Variants in CDH13 observed in about 807,000 individuals in gnomAD.
CDH13 encodes cadherin 13.
A neutral mutation model predicts 63.8 loss-of-function variants in CDH13; 24 were observed. That is an observed-to-expected ratio of 0.38 (90% CI 0.27 to 0.53). CDH13 has a LOEUF of 0.53. Ranked by LOEUF, CDH13 falls within the 20% of genes least tolerant of loss-of-function variation. The probability of loss-of-function intolerance (pLI) is 0.85; values close to 1 mark genes in which losing one functional copy is unlikely to be tolerated. For synonymous variants in CDH13, 503 were observed against 355.3 expected, an observed-to-expected ratio of 1.42 and a Z score of -4.67; for missense variants, 1,049 against 903.1, an observed-to-expected ratio of 1.16 and a Z score of -2.07.
intron 4 of CDH13, among the ~76,000 whole-genome samples, chr16:83,190,948 T>C (rs1268385737): frequency 4.6e-5 from 7 of 152,020 alleles, no homozygotes; most frequent in Non-Finnish European, 1.5e-5. Context: ...CATTTCTCAG[T>C]TGGCTCATTT....
In CDH13 at chr16:82,644,435, G is replaced by A. The variant is rs141088526; in HGVS notation, c.45+17298G>A. On this transcript the variant is annotated intron_variant, in intron 1 of 13. Coordinates refer to ENST00000567109, the MANE Select transcript of CDH13 (RefSeq NM_001257.5). The surrounding 1 kb of genome is among the most constrained non-coding windows in gnomAD (Gnocchi z 5.7). ...AACGTACTCCTGTCTGCCCTCACTC[G>A]TGGGTTGATGATTTCTATCCTTTGT... 2.1e-4 allele frequency among the ~76,000 whole-genome samples: 32 copies of A among 152,208 alleles called. No homozygotes were observed. Among genetic ancestry groups the A allele is most frequent in the African/African-American group, 4.6e-4 (19 of 41,514 alleles).
intron 1 of CDH13, among the ~76,000 whole-genome samples, chr16:82,815,117 T>A (rs1324112575): frequency 2.0e-5 from 3 of 152,142 alleles, no homozygotes; most frequent in Non-Finnish European, 4.4e-5. Context: ...AAAACATCGT[T>A]CATGACCCAC....
intron 3 of CDH13, among the ~76,000 whole-genome samples, chr16:83,084,698 G>A (rs947932554): frequency 6.6e-6 from 1 of 152,052 alleles, no homozygotes; most frequent in Non-Finnish European, 1.5e-5. Context: ...AGACCGGCCT[G>A]GCCAACATGG....
At chr16:83,263,413 T>C (rs1227091487) in intron 5 of CDH13, among the ~76,000 whole-genome samples, 4 of 152,186 alleles carry the variant, frequency 2.6e-5, no homozygotes, top group Non-Finnish European at 5.9e-5. Flanking sequence ...TTAGGAAATA[T>C]CCATTTCCTC....
At chr16:83,041,011 T>C (rs1917286487) in intron 3 of CDH13, among the ~76,000 whole-genome samples, 1 of 152,200 alleles carries the variant, frequency 6.6e-6, no homozygotes, top group African/African-American at 2.4e-5. Flanking sequence ...GTGCTCACTG[T>C]ATAGGAAGCA....
chr16:83,157,922 G>A (rs2037280992), intron 4 of CDH13, among the ~76,000 whole-genome samples: 1 of 151,410 alleles, frequency 6.6e-6, no homozygotes, highest in Non-Finnish European at 1.5e-5. Flanking sequence ...CAAAAAAAAA[G>A]AAAGAAAAAA....
chr16:83,290,112 T>C (rs8056050), intron 5 of CDH13, among the ~76,000 whole-genome samples: 26,620 of 152,236 alleles, frequency 0.17, 2,338 homozygotes, highest in Middle Eastern at 0.21. Flanking sequence ...TCAGTCATCA[T>C]GGTTAGTCAG....
At position 82,740,131 on chromosome 16, in the gene CDH13, G is replaced by A. The variant is rs149879273; in HGVS notation, c.45+112994G>A. Among the ~76,000 whole-genome samples the A allele has an allele frequency of 2.3e-3, 356 of 152,112 alleles. 8 individuals are homozygous for A. The South Asian group carries it at 0.043, about 18-fold the overall frequency. On this transcript the variant is annotated intron_variant, in intron 1 of 13. Coordinates refer to ENST00000567109, the MANE Select transcript of CDH13 (RefSeq NM_001257.5). ...TACTCATAAGACTGACCAGAAGGAG[G>A]CAACAAAGATGTAAATATTCTTATT... is the stretch of plus-strand genomic sequence containing the variant.
chr16:82,666,910 A>G lies in CDH13; in HGVS notation c.45+39773A>G, dbSNP rs1351522828. ...CTTGTCAAGATGGGTGACAATTACA[A>G]CAGAGAAATGATGTAAAATGCAGTG... is the stretch of plus-strand genomic sequence containing the variant. On this transcript the variant is annotated intron_variant, in intron 1 of 13. Transcript: ENST00000567109. Among the ~76,000 whole-genome samples, 3 of 152,292 alleles carry G rather than the reference A, an allele frequency of 2.0e-5. No homozygotes were observed. The East Asian group carries it at 5.8e-4, about 29-fold the overall frequency.
intron 1 of CDH13, among the ~76,000 whole-genome samples, chr16:82,669,268 C>T (rs879253219): frequency 6.6e-6 from 1 of 152,192 alleles, no homozygotes; most frequent in South Asian, 2.1e-4. Context: ...GTTCCAGATC[C>T]AAGGACAAGC....
At chr16:83,339,777 G>A (rs934539544) in intron 5 of CDH13, among the ~76,000 whole-genome samples, 3 of 152,084 alleles carry the variant, frequency 2.0e-5, no homozygotes, top group Admixed American at 1.3e-4. Context: ...TCCCTCCCAT[G>A]ATCAGCCAAG....
chr16:83,575,658 C>A (rs1056530186), intron 7 of CDH13, among the ~76,000 whole-genome samples: 1 of 152,178 alleles, frequency 6.6e-6, no homozygotes, highest in African/African-American at 2.4e-5. Context: ...ACCTCTTAAC[C>A]TCCCGTCAGA....
chr16:83,142,391 T>C (rs780528454), intron 4 of CDH13, among the ~76,000 whole-genome samples: 1 of 151,990 alleles, frequency 6.6e-6, no homozygotes, highest in Non-Finnish European at 1.5e-5. Context: ...CGAATTTCTG[T>C]CCTCAGGACC....
intron 4 of CDH13, among the ~76,000 whole-genome samples, chr16:83,130,048 A>T (rs2035981936): frequency 6.6e-6 from 1 of 152,218 alleles, no homozygotes; most frequent in Non-Finnish European, 1.5e-5. Flanking sequence ...ACAAGCATAT[A>T]TTCAGCATCT....
At chr16:83,691,065 C>T (rs1904812313) in intron 10 of CDH13, among the ~76,000 whole-genome samples, 1 of 143,930 alleles carries the variant, frequency 6.9e-6, no homozygotes, top group African/African-American at 2.6e-5. Flanking sequence ...TGCTAACCAA[C>T]TGTGCCGTGT....
chr16:82,856,354 A>G (rs1244495465), intron 1 of CDH13, among the ~76,000 whole-genome samples: 6 of 144,002 alleles, frequency 4.2e-5, no homozygotes, highest in Non-Finnish European at 9.0e-5. Flanking sequence ...CAGCCTGGGC[A>G]ACAGAGAGAG....
At chr16:83,088,529 G>A (rs879478832) in intron 3 of CDH13, among the ~76,000 whole-genome samples, 5 of 152,146 alleles carry the variant, frequency 3.3e-5, no homozygotes, top group African/African-American at 4.8e-5. Flanking sequence ...TCCAAAAGCC[G>A]TTTCTGATAC....
chr16:83,713,979 A>G (rs1434316186), intron 10 of CDH13, among the ~76,000 whole-genome samples: 1 of 152,192 alleles, frequency 6.6e-6, no homozygotes, highest in Non-Finnish European at 1.5e-5. Flanking sequence ...CCTGTCCAGT[A>G]TTCTCCAAAA....
intron 1 of CDH13, among the ~76,000 whole-genome samples, chr16:82,636,169 A>G (rs1220506214): frequency 6.6e-6 from 1 of 152,166 alleles, no homozygotes; most frequent in East Asian, 1.9e-4. Flanking sequence ...TGGAGATGGC[A>G]GGGCCAGAGA....
Sources: gnomAD v4.1 joint callset for allele counts (sites outside exome capture counted in the v4.1 genomes callset) on GRCh38, gnomAD v4.1.1 for gene constraint, Gnocchi (gnomAD v3.1) non-coding constraint, MANE v1.5 for transcripts, NCBI Gene and HGNC (gene_info 2026-07-23, HGNC 2026-07-21) for gene names.